The following LZTFL1 variants were observed in gnomAD, a reference collection of about 807,000 sequenced individuals.
LZTFL1 encodes the protein leucine zipper transcription factor like 1, also known as leucine zipper transcription factor-like protein 1.
In LZTFL1, 25 loss-of-function variants were observed where a neutral mutation model predicts 45.9. The observed-to-expected ratio is 0.54, with a 90% CI of 0.40 to 0.76. The LOEUF is 0.76. LZTFL1 is among the 30% of genes least tolerant of loss of function. The pLI, the probability that LZTFL1 is intolerant of heterozygous loss-of-function variation, is 0.00. For synonymous variants in LZTFL1, 93 were observed against 117.4 expected, an observed-to-expected ratio of 0.79 and a Z score of 1.35; for missense variants, 277 against 331.1, an observed-to-expected ratio of 0.84 and a Z score of 1.27.
chr3:45,895,064 C>G (rs1702309905), intron 2 of LZTFL1: 7 of 1,191,420 alleles, frequency 5.9e-6, no homozygotes, highest in Middle Eastern at 1.9e-4. Context: ...TGTGGTTTCC[C>G]AGGGTAAGAT....
At chr3:45,850,825 C>T (rs1701295991) in intron 4 of LZTFL1, among the ~76,000 whole-genome samples, 1 of 152,162 alleles carries the variant, frequency 6.6e-6, no homozygotes, top group African/African-American at 2.4e-5. Flanking sequence ...CCAGCCCTCC[C>T]TCAATGAAGC....
chr3:45,884,893 C>T (rs1701939023), intron 2 of LZTFL1, among the ~76,000 whole-genome samples: 1 of 152,164 alleles, frequency 6.6e-6, no homozygotes, highest in Admixed American at 6.5e-5. Flanking sequence ...GAGTGAGATG[C>T]CAGAGCATCT....
At position 45,908,864 on chromosome 3, in the gene LZTFL1, C is replaced by G. The variant is rs553208987; in HGVS notation, c.-215+4256G>C. On this transcript the variant is annotated intron_variant, in intron 2 of 4. Transcript: ENST00000472635. ...CCAACCCCTGGGCCACAGACCACTA[C>G]TGCTCTGTGGCCTGTTAGGAACCAG... is the stretch of plus-strand genomic sequence containing the variant. Among the ~76,000 whole-genome samples the G allele has an allele frequency of 6.6e-5, 10 of 152,326 alleles. No individual in the cohort carries two copies. In the South Asian group the frequency reaches 8.3e-4, roughly 13 times the overall value.
Position 45,912,074 on chromosome 3 carries a change from G to A in LZTFL1, c.-215+1046C>T, listed in dbSNP as rs189323188. Among the ~76,000 whole-genome samples the A allele has an allele frequency of 1.2e-3, 181 of 152,346 alleles. 1 individual carries two copies. The highest frequency in any genetic ancestry group is 4.1e-3 in the African/African-American group (169 of 41,576). On this transcript the variant is annotated intron_variant, in intron 2 of 4. Transcript: ENST00000472635. ...CTTTGTCAGGAAATGTCGCATGGGT[G>A]TGAATAGTGTTCGTCACATAGTCTC... is the stretch of plus-strand genomic sequence containing the variant.
chr3:45,914,465 G>T (rs979419869), intron 1 of LZTFL1, among the ~76,000 whole-genome samples: 2 of 151,966 alleles, frequency 1.3e-5, no homozygotes, highest in South Asian at 2.1e-4. Context: ...GTAGAGACGG[G>T]GTCTCCCTAT....
chr3:45,903,710 C>T (rs573521720), intron 2 of LZTFL1, among the ~76,000 whole-genome samples: 23 of 152,338 alleles, frequency 1.5e-4, no homozygotes, highest in Middle Eastern at 3.4e-3. Context: ...GGCCTTGCTA[C>T]CCCATCAACA....
upstream of LZTFL1, among the ~76,000 whole-genome samples, chr3:45,842,670 A>T (rs188363769): frequency 1.1e-3 from 170 of 152,094 alleles, 1 homozygote; most frequent in Middle Eastern, 3.4e-3. Context: ...TTTTCCATTT[A>T]AAAAAAATGC....
chr3:45,861,356 A>C (rs1356210007), intron 2 of LZTFL1, among the ~76,000 whole-genome samples: 1 of 152,212 alleles, frequency 6.6e-6, no homozygotes, highest in East Asian at 1.9e-4. Context: ...AAGCCCGGGA[A>C]GCTCAGAAGT....
intron 2 of LZTFL1, chr3:45,903,264 C>T (rs1450121418): frequency 3.1e-5 from 5 of 162,758 alleles, no homozygotes; most frequent in Admixed American, 1.3e-4. Context: ...GTTCTACTTT[C>T]CCTGCTTCTC....
chr3:45,901,598 C>T lies in LZTFL1; in HGVS notation c.-215+11522G>A. 9.9e-6 allele frequency: 16 copies of T among 1,614,214 alleles called. No individual in the cohort carries two copies. Among genetic ancestry groups the T allele is most frequent in the Non-Finnish European group, 1.4e-5 (16 of 1,180,008 alleles). ...TCTTTGTCTTGTCTCAGTTTCCCTA[C>T]AACTGCATTTTGTTGGTGCAGACCA... On this transcript the variant is annotated intron_variant, in intron 2 of 4. Coordinates refer to the LZTFL1 transcript ENST00000472635. The surrounding 1 kb of genome is among the most constrained non-coding windows in gnomAD (Gnocchi z 4.3).
At chr3:45,860,308 A>C (rs993858360) in intron 2 of LZTFL1, among the ~76,000 whole-genome samples, 1 of 151,926 alleles carries the variant, frequency 6.6e-6, no homozygotes, top group African/African-American at 2.4e-5. Flanking sequence ...GTGTGTGCCC[A>C]TGAGTCTATA....
intron 2 of LZTFL1, among the ~76,000 whole-genome samples, chr3:45,908,328 C>T (rs1352320476): frequency 1.3e-5 from 2 of 152,192 alleles, no homozygotes; most frequent in Non-Finnish European, 2.9e-5. Context: ...CACAAGTAGG[C>T]CCAGCATTTC....
At chr3:45,856,356 C>G (rs183186670) in intron 3 of LZTFL1, among the ~76,000 whole-genome samples, 7 of 152,206 alleles carry the variant, frequency 4.6e-5, no homozygotes, top group African/African-American at 1.4e-4. Context: ...AACTGAATCC[C>G]TTCCTTACAC....
intron 2 of LZTFL1, among the ~76,000 whole-genome samples, chr3:45,866,474 G>A (rs1299060932): frequency 1.3e-5 from 2 of 152,252 alleles, no homozygotes; most frequent in African/African-American, 2.4e-5. Context: ...CTCTACAAGG[G>A]CAAGCCTGCC....
At position 45,824,302 on chromosome 3, in the gene LZTFL1, T is replaced by C. The variant is rs895247747; in HGVS notation, c.*2012A>G. The C allele has an allele frequency of 6.6e-6, 1 of 152,048 alleles. No individual in the cohort carries two copies. The highest frequency in any genetic ancestry group is 1.5e-5 in the Non-Finnish European group (1 of 67,998). The allele number at this position is 152,048 out of a possible 1,614,324, so 9.4% of individuals were successfully genotyped here. On this transcript the variant is annotated 3_prime_UTR_variant, in exon 10 of 10. Coordinates refer to ENST00000296135, the MANE Select transcript of LZTFL1 (RefSeq NM_020347.4). The stretch of plus-strand genomic sequence containing the variant: ...CAGTTAAATTAGATAAGTCTTAAAG[T>C]TGGGAAACTACTAAAAACAATAAAA...
Position 45,847,386 on chromosome 3 carries a change from T to C in LZTFL1, c.-49+7600A>G, listed in dbSNP as rs189192881. ...TCCGCTGGGGTTCTCCTCCACAGCA[T>C]TGACAATCCTTTCCATAAAGAACCA... On this transcript the variant is annotated intron_variant, in intron 4 of 4. Transcript: ENST00000472635. Among the ~76,000 whole-genome samples, 8 of 152,286 alleles carry C rather than the reference T, an allele frequency of 5.3e-5. 1 individual carries two copies. The East Asian group carries it at 1.2e-3, about 22-fold the overall frequency.
At chr3:45,835,923 C>T (rs1700955775) in intron 2 of LZTFL1, 139 bp from the exon 3 acceptor site, 1 of 549,344 alleles carries the variant, frequency 1.8e-6, no homozygotes, top group Non-Finnish European at 3.1e-6. Flanking sequence ...GAACTATCTT[C>T]TTTATTAATA....
intron 3 of LZTFL1, 170 bp downstream of exon 3, chr3:45,835,420 G>T: frequency 1.7e-6 from 1 of 597,288 alleles, no homozygotes; most frequent in African/African-American, 1.9e-5. Flanking sequence ...TTTTAAAAGG[G>T]TGCTTAGTGG....
rs779930586 is a variant in LZTFL1, at chr3:45,837,964, T to A, written c.91A>T (p.Thr31Ser). 1 of 1,613,676 alleles carries A rather than the reference T, an allele frequency of 6.2e-7. No individual in the cohort carries two copies. The highest frequency in any genetic ancestry group is 8.5e-7 in the Non-Finnish European group (1 of 1,179,890). Reference sequence around the variant, plus strand: ...AGGTCTTGGAAGCAGGAATCTACAGTTTTGAGTCTCAAGCCTCTCTTTGAA... The same window carrying A: ...AGGTCTTGGAAGCAGGAATCTACAGATTTGAGTCTCAAGCCTCTCTTTGAA... ...ARSKRGLRLK[T>S]VDSCFQDLKE... The change falls in exon 2 of 10, where the codon ACT becomes TCT. Residue 31 changes from threonine to serine, a missense_variant. Thr to Ser is a moderately conservative substitution (Grantham distance 58, BLOSUM62 1). Coordinates refer to ENST00000296135, the MANE Select transcript of LZTFL1 (RefSeq NM_020347.4).
Sources: allele counts gnomAD v4.1 joint callset (sites outside exome capture counted in the v4.1 genomes callset), GRCh38; gene constraint gnomAD v4.1.1; non-coding constraint Gnocchi (gnomAD v3.1); transcripts MANE v1.5; gene names NCBI Gene and HGNC (gene_info 2026-07-23, HGNC 2026-07-21).